Variants in MCM3AP observed in about 807,000 individuals in gnomAD.
MCM3AP encodes the protein minichromosome maintenance complex component 3 associated protein.
A neutral mutation model predicts 184.1 loss-of-function variants in MCM3AP; 126 were observed. That is an observed-to-expected ratio of 0.68 (90% CI 0.59 to 0.79). The LOEUF (loss-of-function observed/expected upper bound fraction) is 0.79, where lower values mean the gene tolerates loss of function less well. Ranked by LOEUF, MCM3AP falls within the 30% of genes least tolerant of loss-of-function variation. The pLI is 0.00. For missense variants in MCM3AP, 2,496 were observed against 2,479.2 expected, an observed-to-expected ratio of 1.01 and a Z score of -0.14; for synonymous variants, 1,002 against 979.3, an observed-to-expected ratio of 1.02 and a Z score of -0.43.
At chr21:46,257,786 A>G (rs1196299491) in intron 16 of MCM3AP, among the ~76,000 whole-genome samples, 3 of 152,060 alleles carry the variant, frequency 2.0e-5, no homozygotes, top group Admixed American at 6.6e-5. Flanking sequence ...TTAGCCGAGC[A>G]TGGTGGCGCA....
rs934643879 is a variant in MCM3AP at position 46,285,223 on chromosome 21, C to T, written c.64G>A (p.Val22Ile). The change falls in exon 1 of 28, where the codon GTA becomes ATA. Residue 22 changes from valine (V) to isoleucine (I), a missense_variant. Physicochemically the swap from Val to Ile is conservative, Grantham distance 29. This residue lies in a region of MCM3AP where 800 missense variants were observed against 717.1 expected (regional missense o/e 1.12). Transcript: ENST00000291688. ...PSAFSASSSN[V>I]GTLPSKPPFR... Reference sequence around the variant, plus strand: ...GGCGGCTTAGATGGAAGTGTTCCTACATTACTAGAAGACGCCGAAAAAGCA... The same window carrying T: ...GGCGGCTTAGATGGAAGTGTTCCTATATTACTAGAAGACGCCGAAAAAGCA... 1 of 1,614,214 alleles carries T rather than the reference C, an allele frequency of 6.2e-7. No homozygotes were observed. The highest frequency in any genetic ancestry group is 8.5e-7 in the Non-Finnish European group (1 of 1,180,020).
chr21:46,277,651 G>A lies in MCM3AP; in HGVS notation c.1734C>T (p.Ala578=), dbSNP rs775663385. 1 of 1,611,288 alleles carries A rather than the reference G, an allele frequency of 6.2e-7. No homozygotes were observed. The highest frequency in any genetic ancestry group is 1.7e-5 in the Admixed American group (1 of 59,620). ...HQFEGDSFDS[A]SEGSEGLGPC... ...GCCCGAGGCCCTCGGAGCCCTCGGA[G>A]GCTGAGTCAAAAGAGTCTCCCTCGA... Residue 578 remains alanine, a synonymous_variant, in exon 5 of 28, where the codon GCC becomes GCT. Coordinates refer to ENST00000291688, the MANE Select transcript of MCM3AP (RefSeq NM_003906.5).
At chr21:46,254,897 C>G in intron 17 of MCM3AP, 53 bp from the exon 18 acceptor site, 1 of 1,313,188 alleles carries the variant, frequency 7.6e-7, no homozygotes, top group African/African-American at 1.4e-5. Flanking sequence ...GTGAGAAGTA[C>G]TGGCTAGTGT....
chr21:46,278,622 T>C (rs1296995568), intron 4 of MCM3AP, among the ~76,000 whole-genome samples: 1 of 152,052 alleles, frequency 6.6e-6, no homozygotes, highest in African/African-American at 2.4e-5. Context: ...CCGTGTCTGC[T>C]TCACTGTGAT....
intron 11 of MCM3AP, 29 bp from the exon 12 acceptor site, chr21:46,265,552 AGC>A (rs2081099949): frequency 6.6e-7 from 1 of 1,520,326 alleles, no homozygotes; most frequent in Non-Finnish European, 8.9e-7. Flanking sequence ...GACAAAACAT[AGC>A]TGCAGACACA....
chr21:46,266,227 C>G (rs569060115), intron 10 of MCM3AP, 61 bp from the exon 11 acceptor site: 73 of 1,526,448 alleles, frequency 4.8e-5, no homozygotes, highest in Non-Finnish European at 6.2e-5. Context: ...GCTTCGCCCT[C>G]AGTGCCCTGC....
chr21:46,243,340 C>T, intron 24 of MCM3AP, 125 bp downstream of exon 24: 5 of 1,182,830 alleles, frequency 4.2e-6, no homozygotes, highest in Non-Finnish European at 5.9e-6. Context: ...GAGGGAAGTC[C>T]TAAGGAAAGG....
chr21:46,262,929 C>G (rs1215715991), intron 13 of MCM3AP, among the ~76,000 whole-genome samples: 2 of 130,624 alleles, frequency 1.5e-5, no homozygotes, highest in Non-Finnish European at 3.1e-5. Context: ...GATCACGCCA[C>G]TGCACTCCAG....
Position 46,245,205 on chromosome 21 carries a change from GAA to G in MCM3AP, c.4648-10_4648-9del, listed in dbSNP as rs778766508. On this transcript the variant is annotated splice_polypyrimidine_tract_variant and intron_variant, in intron 22 of 27. Transcript: ENST00000291688. ...CTGCACTGCTTGCAAAACCTGAGAAGAAAGAAGAGACTTGGTTGAACAATTCA... is the reference window on the plus strand; with the variant it reads ...CTGCACTGCTTGCAAAACCTGAGAAGAGAAGAGACTTGGTTGAACAATTCA... 3.6e-5 allele frequency: 24 copies of G among 665,198 alleles called. No individual in the cohort carries two copies. The highest frequency in any genetic ancestry group is 1.4e-4 in the South Asian group (5 of 36,682). The allele number at this position is 665,198 out of a possible 1,614,324, so 41.2% of individuals were successfully genotyped here.
At chr21:46,272,851 G>C (rs1445021997) in intron 7 of MCM3AP, 22 bp from the exon 8 acceptor site, 1 of 1,546,448 alleles carries the variant, frequency 6.5e-7, no homozygotes, top group Non-Finnish European at 8.7e-7. Flanking sequence ...CGAGGGGGAG[G>C]ATCACACACA....
chr21:46,280,846 G>C (rs2011136), intron 2 of MCM3AP, among the ~76,000 whole-genome samples: 62,689 of 151,396 alleles, frequency 0.41, 13,459 homozygotes, highest in Admixed American at 0.48. Context: ...CGCTCTGTCA[G>C]CCAGGCTGGA....
Position 46,264,173 on chromosome 21 carries a change from C to T in MCM3AP, c.3279G>A (p.Gln1093=). Residue 1093 remains glutamine (Q), a synonymous_variant, in exon 13 of 28, where the codon CAG becomes CAA. Transcript: ENST00000291688. ...CAGAGCCAACTTCCTCACAGTCCCT[C>T]TGCAGGGCCTCCTGGATGAGCTCGT... The part of the protein sequence containing the change: ...VVDELIQEAL[Q]RDCEEVGSAG... 6.2e-7 allele frequency: 1 copy of T among 1,613,906 alleles called. No individual in the cohort carries two copies. The highest frequency in any genetic ancestry group is 1.7e-5 in the Admixed American group (1 of 60,020).
intron 5 of MCM3AP, 21 bp from the exon 6 acceptor site, chr21:46,275,346 G>A: frequency 6.2e-7 from 1 of 1,606,042 alleles, no homozygotes; most frequent in African/African-American, 1.3e-5. Flanking sequence ...TCAAGTAAAA[G>A]GTAAGAATGT....
chr21:46,247,058 G>A (rs2080785324), intron 20 of MCM3AP, 172 bp from the exon 21 acceptor site: 1 of 587,832 alleles, frequency 1.7e-6, no homozygotes. Flanking sequence ...CTTACTTCCT[G>A]TAGTTATTTT....
chr21:46,266,073 T>G lies in MCM3AP; in HGVS notation c.2883A>C (p.Ser961=). ...GCCCTCCGTTCACAATTTCCCCGAC[T>G]GACACCGTCAGCTTCCTAGTAATAA... ...SVFITRKLTV[S]VGEIVNGGPL... is the part of the protein sequence containing the mutation. The change falls in exon 11 of 28, where the codon TCA becomes TCC. Residue 961 remains serine, a synonymous_variant. Transcript: ENST00000291688. 1.9e-6 allele frequency: 3 copies of G among 1,612,472 alleles called. No individual in the cohort carries two copies. Among genetic ancestry groups the G allele is most frequent in the South Asian group, 2.2e-5 (2 of 90,286 alleles).
intron 27 of MCM3AP, 53 bp downstream of exon 27, chr21:46,236,776 T>G: frequency 1.6e-6 from 2 of 1,249,302 alleles, no homozygotes; most frequent in Non-Finnish European, 1.1e-6. Context: ...TCCCCAGCCA[T>G]TCTCTCAATC....
Position 46,243,509 on chromosome 21 carries a change from T to C in MCM3AP, c.5252A>G (p.His1751Arg). The C allele has an allele frequency of 6.2e-7, 1 of 1,614,010 alleles. No homozygotes were observed. Among genetic ancestry groups the C allele is most frequent in the Non-Finnish European group, 8.5e-7 (1 of 1,179,904 alleles). The change falls in exon 24 of 28, where the codon CAC (histidine) becomes CGC (arginine). Residue 1751 changes from histidine (H) to arginine (R), a missense_variant. Transcript: ENST00000291688. ...GGGGGGCGTCCAGTCTCTCAGCTTG[T>C]GGTTGATACACAAGGCGATAAGATC... ...WDDLIALCIN[H>R]KLRDWTPPRL...
rs749280742 is a variant in MCM3AP, at chr21:46,245,027, G to A, written c.4818C>T (p.Gly1606=). 11 of 1,614,032 alleles carry A rather than the reference G, an allele frequency of 6.8e-6. No homozygotes were observed. The highest frequency in any genetic ancestry group is 4.0e-5 in the African/African-American group (3 of 74,926). ...RLGGLASQEP[G]AIIELFNSVL... ...CACTGTTAAACAGCTCAATGATGGC[G>A]CCAGGCTCCTGAGAAGCAAGACCGC... Residue 1606 remains glycine (G), a synonymous_variant, in exon 23 of 28, where the codon GGC becomes GGT. Coordinates refer to ENST00000291688, the MANE Select transcript of MCM3AP (RefSeq NM_003906.5).
intron 11 of MCM3AP, 140 bp from the exon 12 acceptor site, chr21:46,265,663 C>T (rs932076875): frequency 7.9e-6 from 6 of 763,542 alleles, no homozygotes; most frequent in Admixed American, 5.9e-5. Context: ...AGACCAGCTA[C>T]GTGGGACAAC....
Sources: gnomAD v4.1 joint callset for allele counts (sites outside exome capture counted in the v4.1 genomes callset) on GRCh38, gnomAD v4.1.1 for gene constraint, gnomAD v4.1.1 regional missense constraint, MANE v1.5 for transcripts, NCBI Gene and HGNC (gene_info 2026-07-23, HGNC 2026-07-21) for gene names.